The following ARMC2 variants were observed in gnomAD, a reference collection of about 807,000 sequenced individuals.
ARMC2 encodes armadillo repeat containing 2, also known as armadillo repeat-containing protein 2.
Under a neutral mutation model 90.3 loss-of-function variants are expected in ARMC2, and 67 were observed. That is an observed-to-expected ratio of 0.74 (90% CI 0.61 to 0.91). The LOEUF is 0.91. Ranked by LOEUF, ARMC2 falls within the 40% of genes least tolerant of loss-of-function variation. The pLI is 0.00. For missense variants in ARMC2, 920 were observed against 1,030.9 expected, an observed-to-expected ratio of 0.89 and a Z score of 1.47; for synonymous variants, 393 against 393.0, an observed-to-expected ratio of 1.00 and a Z score of 0.00.
At chr6:108,918,362 C>T (rs115065641) in intron 10 of ARMC2, among the ~76,000 whole-genome samples, 5,569 of 152,176 alleles carry the variant, frequency 0.037, 304 homozygotes, top group African/African-American at 0.11. Flanking sequence ...TGCGAATAGG[C>T]GAGCGAGGGG....
At chr6:108,867,638 G>A (rs896237038) in intron 3 of ARMC2, among the ~76,000 whole-genome samples, 1 of 152,150 alleles carries the variant, frequency 6.6e-6, no homozygotes, top group East Asian at 1.9e-4. Flanking sequence ...AAGTGTGCTG[G>A]TGCATGCCTG....
At chr6:108,998,589 T>G in the ARMC2 span, 1 of 1,613,940 alleles carries the variant, frequency 6.2e-7, no homozygotes, top group Admixed American at 1.7e-5. Context: ...GATGCAGTAG[T>G]TGCTAACAGA....
the ARMC2 span, among the ~76,000 whole-genome samples, chr6:109,007,936 G>T: frequency 2.0e-5 from 3 of 152,004 alleles, no homozygotes. Flanking sequence ...TAATTTAAAA[G>T]CATTATGGAA....
At chr6:108,948,372 G>A (rs947328556) in intron 12 of ARMC2, among the ~76,000 whole-genome samples, 2 of 151,978 alleles carry the variant, frequency 1.3e-5, no homozygotes, top group African/African-American at 4.8e-5. Context: ...CTGTGAGATG[G>A]CTTCTATTTT....
downstream of ARMC2, among the ~76,000 whole-genome samples, chr6:108,974,991 TTC>T (rs895737647): frequency 6.6e-6 from 1 of 151,848 alleles, no homozygotes; most frequent in East Asian, 1.9e-4. Context: ...ACGAGAATCT[TTC>T]TCTCTCTCTT....
chr6:109,008,444 A>G, the ARMC2 span, among the ~76,000 whole-genome samples: 2 of 149,892 alleles, frequency 1.3e-5, no homozygotes, highest in African/African-American at 4.9e-5. Context: ...TTAAAATCTC[A>G]AAAAAATATT....
the ARMC2 span, among the ~76,000 whole-genome samples, chr6:109,041,093 G>C: frequency 6.6e-5 from 10 of 151,584 alleles, no homozygotes; most frequent in African/African-American, 2.4e-4. Flanking sequence ...ATGAGCCCAG[G>C]AGTTTGAGAT....
At chr6:108,945,677 A>G (rs1274813176) in intron 12 of ARMC2, among the ~76,000 whole-genome samples, 2 of 152,264 alleles carry the variant, frequency 1.3e-5, no homozygotes, top group African/African-American at 2.4e-5. Flanking sequence ...ATGTATGCAC[A>G]GTGAACACTG....
At chr6:108,907,973 T>G in intron 8 of ARMC2, 1 of 1,031,364 alleles carries the variant, frequency 9.7e-7, no homozygotes, top group Non-Finnish European at 1.4e-6. Flanking sequence ...TCATTAAACA[T>G]TTATTAAGGT....
At chr6:108,923,351 C>G (rs1401687418) in intron 10 of ARMC2, among the ~76,000 whole-genome samples, 1 of 151,656 alleles carries the variant, frequency 6.6e-6, no homozygotes, top group Non-Finnish European at 1.5e-5. Flanking sequence ...GAAGCTTGGG[C>G]TTTGGTTAAC....
the ARMC2 span, chr6:109,009,471 G>A: frequency 8.0e-7 from 1 of 1,252,918 alleles, no homozygotes; most frequent in African/African-American, 1.6e-5. Flanking sequence ...GTCGGCGCGG[G>A]GACGGCTGCG....
chr6:109,027,863 CAT>C, the ARMC2 span, among the ~76,000 whole-genome samples: 1 of 151,826 alleles, frequency 6.6e-6, no homozygotes, highest in African/African-American at 2.4e-5. Flanking sequence ...CATTTAAATA[CAT>C]ATATATATAT....
In ARMC2 at chr6:108,904,246, G is replaced by C. The variant is rs1293253735; in HGVS notation, c.864G>C (p.Thr288=). ...RELEKEENIE[T]VCAACTQLHH... is the part of the protein sequence containing the mutation. ...CTCTGACAGAAGAAAACATTGAAAC[G>C]GTTTGTGCTGCTTGCACACAACTTC... The change falls in exon 8 of 18, where the codon ACG becomes ACC. Residue 288 remains threonine, a synonymous_variant. Transcript: ENST00000392644. 3 of 1,613,502 alleles carry C rather than the reference G, an allele frequency of 1.9e-6. No homozygotes were observed. The highest frequency in any genetic ancestry group is 2.5e-6 in the Non-Finnish European group (3 of 1,179,728).
the ARMC2 span, among the ~76,000 whole-genome samples, chr6:109,010,796 A>T: frequency 6.6e-6 from 1 of 152,246 alleles, no homozygotes; most frequent in Non-Finnish European, 1.5e-5. Flanking sequence ...CCAAGCTCTC[A>T]TCCACTGAGC....
At chr6:109,013,255 C>G in the ARMC2 span, among the ~76,000 whole-genome samples, 17,123 of 151,994 alleles carry the variant, frequency 0.11, 1,063 homozygotes, top group Middle Eastern at 0.19. Context: ...AAATATATTG[C>G]AAGGGGCAAA....
At chr6:108,980,500 C>A in the ARMC2 span, among the ~76,000 whole-genome samples, 32 of 152,134 alleles carry the variant, frequency 2.1e-4, no homozygotes, top group Middle Eastern at 3.4e-3. Flanking sequence ...CAGTCTGCTC[C>A]TCCTCAGGAG....
chr6:108,850,719 A>G (rs1562312612), intron 1 of ARMC2, among the ~76,000 whole-genome samples: 1 of 152,244 alleles, frequency 6.6e-6, no homozygotes, highest in Non-Finnish European at 1.5e-5. Context: ...GTCTTAGCTC[A>G]AGTCTATATT....
At chr6:108,939,202 G>A (rs1040626418) in intron 12 of ARMC2, among the ~76,000 whole-genome samples, 5 of 152,136 alleles carry the variant, frequency 3.3e-5, no homozygotes, top group Non-Finnish European at 5.9e-5. Flanking sequence ...ATGGTTATCT[G>A]AAAAGCAAAA....
At chr6:109,050,506 G>A in the ARMC2 span, among the ~76,000 whole-genome samples, 1,418 of 152,124 alleles carry the variant, frequency 9.3e-3, 21 homozygotes, top group African/African-American at 0.033. Context: ...ATATAAAACT[G>A]ATTGAAGGAG....
Sources: allele counts gnomAD v4.1 joint callset (sites outside exome capture counted in the v4.1 genomes callset), GRCh38; gene constraint gnomAD v4.1.1; transcripts MANE v1.5; gene names NCBI Gene and HGNC (gene_info 2026-07-23, HGNC 2026-07-21).